HCRTR2: variants seen among roughly 807,000 people sequenced by gnomAD.
HCRTR2 encodes the protein orexin receptor type 2.
A neutral mutation model predicts 49.0 loss-of-function variants in HCRTR2; 22 were observed. The observed-to-expected ratio is 0.45, with a 90% CI of 0.32 to 0.64. HCRTR2 has a LOEUF of 0.64. Ranked by LOEUF, HCRTR2 falls within the 30% of genes least tolerant of loss-of-function variation. The pLI is 0.04. For missense variants in HCRTR2, 491 were observed against 559.4 expected (o/e 0.88, Z 1.23); for synonymous variants, 236 against 205.3 (o/e 1.15, Z -1.28).
rs745939954 is a variant in HCRTR2, at chr6:55,245,469, TTATATATATATA to T, written c.224-3144_224-3133del. 6.0e-4 allele frequency among the ~76,000 whole-genome samples: 34 copies of T among 56,768 alleles called. 1 individual carries two copies. Among genetic ancestry groups the T allele is most frequent in the African/African-American group, 1.8e-3 (31 of 17,626 alleles). The allele number at this position is 56,768 out of a possible 152,430, so 37.2% of individuals were successfully genotyped here. ...TACACATAGAATACATAGGAAGATT[TTATATATATATA>T]TATATATATATATATATATATATAT... On this transcript the variant is annotated intron_variant, in intron 1 of 6. Transcript: ENST00000370862.
downstream of HCRTR2, among the ~76,000 whole-genome samples, chr6:55,282,895 T>TTC (rs1767225133): frequency 2.0e-5 from 3 of 152,072 alleles, no homozygotes; most frequent in Non-Finnish European, 4.4e-5. Flanking sequence ...TTAATAGTTT[T>TTC]TTTAAAAAAA....
At chr6:55,192,411 G>GTGCACA (rs1554171104) in intron 1 of HCRTR2, among the ~76,000 whole-genome samples, 125 of 44,702 alleles carry the variant, frequency 2.8e-3, no homozygotes, top group African/African-American at 0.01. Context: ...ACGCGCGCGC[G>GTGCACA]CGCACACACA....
At chr6:55,107,267 T>C (rs1401878590) in intron 1 of HCRTR2, among the ~76,000 whole-genome samples, 1 of 152,168 alleles carries the variant, frequency 6.6e-6, no homozygotes, top group Non-Finnish European at 1.5e-5. Flanking sequence ...AATATTCAAA[T>C]ACTATAAAAG....
In HCRTR2 at chr6:55,241,688, G is replaced by A. The variant is rs537987151; in HGVS notation, c.224-6951G>A. ...ATTGCATTGATATATTGGAACTAAG[G>A]TTTTTGGAAAAATTGTGTTTTCTTT... On this transcript the variant is annotated intron_variant, in intron 1 of 6. Coordinates refer to ENST00000370862, the MANE Select transcript of HCRTR2 (RefSeq NM_001384272.1). Among the ~76,000 whole-genome samples, 3 of 151,896 alleles carry A rather than the reference G, an allele frequency of 2.0e-5. No individual in the cohort carries two copies. In the South Asian group the frequency reaches 6.2e-4, roughly 32 times the overall value.
At chr6:55,159,921 A>G (rs931893998) in intron 1 of HCRTR2, among the ~76,000 whole-genome samples, 1 of 152,226 alleles carries the variant, frequency 6.6e-6, no homozygotes, top group African/African-American at 2.4e-5. Context: ...TCTTCAGGAT[A>G]TTATCCAGGA....
intron 1 of HCRTR2, among the ~76,000 whole-genome samples, chr6:55,220,552 A>T (rs1373929882): frequency 6.6e-6 from 1 of 152,166 alleles, no homozygotes; most frequent in Non-Finnish European, 1.5e-5. Context: ...GAAGGCATGT[A>T]CCTCAACACA....
At chr6:55,122,563 TA>T (rs1764216449) in intron 1 of HCRTR2, among the ~76,000 whole-genome samples, 1 of 151,966 alleles carries the variant, frequency 6.6e-6, no homozygotes, top group Non-Finnish European at 1.5e-5. Context: ...GTTAGGGTGT[TA>T]ATTTTAGATC....
chr6:55,144,106 T>C, intron 1 of HCRTR2, among the ~76,000 whole-genome samples: 1 of 5,190 alleles, frequency 1.9e-4, no homozygotes, highest in African/African-American at 2.6e-4. Flanking sequence ...TGCCTTTTTT[T>C]TTTTTTTTTT....
intron 1 of HCRTR2, among the ~76,000 whole-genome samples, chr6:55,193,637 AC>A (rs1161986982): frequency 6.7e-6 from 1 of 149,152 alleles, no homozygotes; most frequent in African/African-American, 2.5e-5. Context: ...TCCTCACCTC[AC>A]CCCATTTTTC....
chr6:55,281,440 G>A (rs770187427), intron 6 of HCRTR2, among the ~76,000 whole-genome samples: 5 of 152,180 alleles, frequency 3.3e-5, no homozygotes, highest in Non-Finnish European at 5.9e-5. Flanking sequence ...CTAGTATGGA[G>A]GATAAAAGTG....
At chr6:55,262,739 A>AAT (rs1235159292) in intron 3 of HCRTR2, among the ~76,000 whole-genome samples, 2 of 118,268 alleles carry the variant, frequency 1.7e-5, no homozygotes, top group Non-Finnish European at 3.3e-5. Context: ...TAAGGTAGGG[A>AAT]ATATATATAT....
Position 55,195,747 on chromosome 6 carries a change from G to A in HCRTR2, c.223+20937G>A, listed in dbSNP as rs143706346. ...TGCACTTTGGGAGGTCGAGGTGGGC[G>A]GATCACAAGATCAGGAGAATGAGAC... On this transcript the variant is annotated intron_variant, in intron 1 of 6. Transcript: ENST00000370862. 7.7e-3 allele frequency among the ~76,000 whole-genome samples: 1,175 copies of A among 152,136 alleles called. 10 individuals are homozygous for A. The highest frequency in any genetic ancestry group is 0.027 in the African/African-American group (1,101 of 41,488).
chr6:55,213,927 GAA>G (rs2127293057), intron 1 of HCRTR2, among the ~76,000 whole-genome samples: 1 of 150,722 alleles, frequency 6.6e-6, no homozygotes, highest in African/African-American at 2.4e-5. Context: ...CCTGGGGAGA[GAA>G]AGAGTCAAAG....
At chr6:55,157,164 G>T (rs561097216) in intron 1 of HCRTR2, among the ~76,000 whole-genome samples, 2 of 152,152 alleles carry the variant, frequency 1.3e-5, no homozygotes, top group East Asian at 3.9e-4. Flanking sequence ...GTTAATAAAT[G>T]GGTTCTACAA....
intron 4 of HCRTR2, among the ~76,000 whole-genome samples, chr6:55,274,110 A>G (rs1482519113): frequency 4.0e-5 from 6 of 151,262 alleles, no homozygotes; most frequent in Non-Finnish European, 5.9e-5. Context: ...GATTAATTGC[A>G]TTAACTCTAT....
intron 1 of HCRTR2, among the ~76,000 whole-genome samples, chr6:55,223,874 G>A (rs1765946611): frequency 6.6e-6 from 1 of 152,004 alleles, no homozygotes; most frequent in South Asian, 2.1e-4. Flanking sequence ...TTATTTATAT[G>A]CAGGGAAGTT....
intron 1 of HCRTR2, among the ~76,000 whole-genome samples, chr6:55,109,105 A>G (rs1308414308): frequency 1.3e-5 from 2 of 152,160 alleles, no homozygotes; most frequent in Non-Finnish European, 2.9e-5. Flanking sequence ...ACCAGCCCAG[A>G]GCCTGGTAGC....
intron 1 of HCRTR2, among the ~76,000 whole-genome samples, chr6:55,134,554 A>G (rs930965463): frequency 6.6e-6 from 1 of 151,878 alleles, no homozygotes; most frequent in Non-Finnish European, 1.5e-5. Context: ...TCACTATGCT[A>G]TATATTAGAT....
intron 1 of HCRTR2, among the ~76,000 whole-genome samples, chr6:55,108,180 A>G (rs1402186611): frequency 1.3e-5 from 2 of 152,126 alleles, no homozygotes; most frequent in Non-Finnish European, 2.9e-5. Flanking sequence ...TCTGAAGGCA[A>G]CTTTTTTTAT....
Sources: allele counts gnomAD v4.1 joint callset (sites outside exome capture counted in the v4.1 genomes callset), GRCh38; gene constraint gnomAD v4.1.1; transcripts MANE v1.5; gene names NCBI Gene and HGNC (gene_info 2026-07-23, HGNC 2026-07-21).